The following ATP11B variants were observed in gnomAD, a reference collection of about 807,000 sequenced individuals.
ATP11B encodes the protein ATPase phospholipid transporting 11B (putative), also known as phospholipid-transporting ATPase IF.
Under a neutral mutation model 157.8 loss-of-function variants are expected in ATP11B, and 81 were observed. The observed-to-expected ratio is 0.51, with a 90% CI of 0.43 to 0.62. The LOEUF is 0.62. Among genes scored for constraint, ATP11B ranks in the 20% least tolerant of loss-of-function variants. ATP11B has a pLI of 0.00. For synonymous variants in ATP11B, 451 were observed against 469.4 expected (o/e 0.96, Z 0.51); for missense variants, 1,165 against 1,402.2 (o/e 0.83, Z 2.70).
chr3:182,842,787 A>G (rs1206947662), intron 8 of ATP11B, among the ~76,000 whole-genome samples: 3 of 152,238 alleles, frequency 2.0e-5, no homozygotes, highest in African/African-American at 7.2e-5. Context: ...TGTATGTATC[A>G]TAACATCACA....
At chr3:182,892,942 C>G (rs1310420509) in intron 25 of ATP11B, among the ~76,000 whole-genome samples, 1 of 152,174 alleles carries the variant, frequency 6.6e-6, no homozygotes, top group East Asian at 1.9e-4. Context: ...GAAGGCTGAA[C>G]TAGTGACTAA....
In ATP11B at chr3:182,919,880, T is replaced by C. The variant is rs1725359649; in HGVS notation, c.*1776T>C. On this transcript the variant is annotated 3_prime_UTR_variant, in exon 30 of 30. Transcript: ENST00000323116. ...TATTTCATAGCTGGATTTAGGAAGATCTGTTATTCTGGAAGTACTAAAAAG... is the reference window on the plus strand; with the variant it reads ...TATTTCATAGCTGGATTTAGGAAGACCTGTTATTCTGGAAGTACTAAAAAG... 6.6e-6 allele frequency: 1 copy of C among 152,210 alleles called. No individual in the cohort carries two copies. The highest frequency in any genetic ancestry group is 1.5e-5 in the Non-Finnish European group (1 of 68,038). The allele number at this position is 152,210 out of a possible 1,614,324, so 9.4% of individuals were successfully genotyped here. A position where few individuals can be genotyped will look rare whatever the true frequency, so the allele number is the denominator to read the frequency against.
At position 182,839,904 on chromosome 3, in the gene ATP11B, C is replaced by T. The variant is rs142798785; in HGVS notation, c.657-2171C>T. On this transcript the variant is annotated intron_variant, in intron 7 of 29. Transcript: ENST00000323116. Reference sequence around the variant, plus strand: ...CTGGGATTACAGGTGTGAGCCACCCCGCCCAGCCTAATATTTCTTTTAAGA... The same window carrying T: ...CTGGGATTACAGGTGTGAGCCACCCTGCCCAGCCTAATATTTCTTTTAAGA... Among the ~76,000 whole-genome samples the T allele has an allele frequency of 1.1e-4, 16 of 152,246 alleles. No individual in the cohort carries two copies. The East Asian group carries it at 1.9e-3, about 18-fold the overall frequency.
chr3:182,868,933 G>A lies in ATP11B; in HGVS notation c.1689-145G>A, dbSNP rs1461383153. The A allele has an allele frequency of 2.0e-5, 11 of 557,226 alleles. No homozygotes were observed. In the African/African-American group the frequency reaches 2.1e-4, roughly 11 times the overall value. 34.5% of individuals were successfully genotyped at this position (557,226 alleles called of 1,614,324 possible). A position where few individuals can be genotyped will look rare whatever the true frequency, so the allele number is the denominator to read the frequency against. On this transcript the variant is annotated intron_variant, in intron 15 of 29. Transcript: ENST00000323116. ...TTTCTTCCCTGTTTTGTTATTAATG[G>A]CATGTAACCTATCATCATGAAAATG...
chr3:182,839,787 A>G, intron 7 of ATP11B, among the ~76,000 whole-genome samples: 1 of 151,718 alleles, frequency 6.6e-6, no homozygotes, highest in Non-Finnish European at 1.5e-5. Flanking sequence ...ATTTTTTTGT[A>G]TTTTTAGTAG....
chr3:182,820,906 T>A (rs950527445), intron 2 of ATP11B, among the ~76,000 whole-genome samples: 8 of 152,220 alleles, frequency 5.3e-5, no homozygotes, highest in African/African-American at 1.9e-4. Context: ...ATATTTATGC[T>A]ATGTACCAGA....
Position 182,852,852 on chromosome 3 carries a change from G to A in ATP11B, c.851+4295G>A, listed in dbSNP as rs142752368. On this transcript the variant is annotated intron_variant, in intron 10 of 29. Transcript: ENST00000323116. ...CAAAATTGATAGCTTAAACTTCATC[G>A]AAATGTAAGACTTAAACACTTAAAA... 4.8e-3 allele frequency among the ~76,000 whole-genome samples: 734 copies of A among 152,246 alleles called. 7 individuals are homozygous for A. Among genetic ancestry groups the A allele is most frequent in the African/African-American group, 0.017 (706 of 41,534 alleles).
intron 1 of ATP11B, among the ~76,000 whole-genome samples, chr3:182,819,495 C>T (rs1717190190): frequency 6.6e-6 from 1 of 152,156 alleles, no homozygotes; most frequent in African/African-American, 2.4e-5. Flanking sequence ...GTTCTTGTTA[C>T]CCGTGAAATC....
intron 4 of ATP11B, among the ~76,000 whole-genome samples, chr3:182,835,600 A>G (rs1013668729): frequency 2.6e-5 from 4 of 152,182 alleles, no homozygotes; most frequent in African/African-American, 9.7e-5. Context: ...TGAGACATCA[A>G]AATTGAGATA....
At chr3:182,851,456 G>A (rs981158428) in intron 10 of ATP11B, among the ~76,000 whole-genome samples, 1 of 151,814 alleles carries the variant, frequency 6.6e-6, no homozygotes, top group Non-Finnish European at 1.5e-5. Context: ...AACTTCTTGT[G>A]ATGCTAGATG....
chr3:182,875,217 C>T lies in ATP11B; in HGVS notation c.2252+1202C>T, dbSNP rs956745884. On this transcript the variant is annotated intron_variant, in intron 19 of 29. Transcript: ENST00000323116. ...CTTGTATGTAAGCATATTAGGTCTCCTGCAGGTTTCTGTTGTTTGCTGTCT... is the reference window on the plus strand; with the variant it reads ...CTTGTATGTAAGCATATTAGGTCTCTTGCAGGTTTCTGTTGTTTGCTGTCT... 2.0e-5 allele frequency among the ~76,000 whole-genome samples: 3 copies of T among 152,214 alleles called. No homozygotes were observed. In the East Asian group the frequency reaches 5.8e-4, roughly 29 times the overall value.
intron 28 of ATP11B, among the ~76,000 whole-genome samples, 154 bp from the exon 29 acceptor site, chr3:182,913,707 A>AT (rs1303460971): frequency 1.4e-4 from 22 of 152,232 alleles, no homozygotes. Context: ...ATACTCTAGT[A>AT]AATTAAAGCC....
chr3:182,803,024 G>A (rs530191141), intron 1 of ATP11B, among the ~76,000 whole-genome samples: 6 of 151,992 alleles, frequency 3.9e-5, no homozygotes, highest in African/African-American at 1.2e-4. Context: ...ATGTATATTC[G>A]GATTGTTGCC....
At chr3:182,891,037 TA>T (rs1165502103) in intron 25 of ATP11B, among the ~76,000 whole-genome samples, 2 of 152,046 alleles carry the variant, frequency 1.3e-5, no homozygotes, top group Admixed American at 6.6e-5. Context: ...TAAAGTATAA[TA>T]AAAAAAACCT....
intron 10 of ATP11B, among the ~76,000 whole-genome samples, chr3:182,849,795 C>T (rs1403631576): frequency 1.3e-5 from 2 of 151,460 alleles, no homozygotes; most frequent in African/African-American, 4.9e-5. Flanking sequence ...GTAATTGATT[C>T]CCAAAAAAAG....
chr3:182,852,638 A>G lies in ATP11B; in HGVS notation c.851+4081A>G, dbSNP rs559345220. Among the ~76,000 whole-genome samples, 107 of 152,352 alleles carry G rather than the reference A, an allele frequency of 7.0e-4. 1 individual carries two copies. Among genetic ancestry groups the G allele is most frequent in the Admixed American group, 4.2e-3 (64 of 15,308 alleles). On this transcript the variant is annotated intron_variant, in intron 10 of 29. Coordinates refer to ENST00000323116, the MANE Select transcript of ATP11B (RefSeq NM_014616.3). ...ATTTGCCTTTTCAACACATGGTGCT[A>G]GAACAGGTGGACGTCTGTATGTCAA... is the stretch of plus-strand genomic sequence containing the variant.
In ATP11B at chr3:182,915,373, A is replaced by G. The variant is rs1198598969; in HGVS notation, c.3452+1379A>G. 3 of 985,304 alleles carry G rather than the reference A, an allele frequency of 3.0e-6. No individual in the cohort carries two copies. In the African/African-American group the frequency reaches 5.2e-5, roughly 17 times the overall value. 61.0% of individuals were successfully genotyped at this position (985,304 alleles called of 1,614,324 possible). A position where few individuals can be genotyped will look rare whatever the true frequency, so the allele number is the denominator to read the frequency against. On this transcript the variant is annotated intron_variant, in intron 29 of 29. Coordinates refer to ENST00000323116, the MANE Select transcript of ATP11B (RefSeq NM_014616.3). Reference sequence around the variant, plus strand: ...ATTCCACGTAGAAGGATGAGCACTTAAACTCTGGGACTTTGTTATGATTTA... The same window carrying G: ...ATTCCACGTAGAAGGATGAGCACTTGAACTCTGGGACTTTGTTATGATTTA...
intron 9 of ATP11B, 95 bp from the exon 10 acceptor site, chr3:182,848,381 A>G (rs1222906531): frequency 3.0e-6 from 2 of 666,756 alleles, no homozygotes; most frequent in East Asian, 6.9e-5. Context: ...ACTGTCAGAC[A>G]GTACACTAAA....
At chr3:182,880,579 G>A (rs1722352437) in intron 20 of ATP11B, among the ~76,000 whole-genome samples, 1 of 151,920 alleles carries the variant, frequency 6.6e-6, no homozygotes, top group African/African-American at 2.4e-5. Flanking sequence ...CAATTAAGTA[G>A]TCATTTTTTA....
Sources: gnomAD v4.1 joint callset for allele counts (sites outside exome capture counted in the v4.1 genomes callset) on GRCh38, gnomAD v4.1.1 for gene constraint, MANE v1.5 for transcripts, NCBI Gene and HGNC (gene_info 2026-07-23, HGNC 2026-07-21) for gene names.